The following COA1 variants were observed in gnomAD, a reference collection of about 807,000 sequenced individuals.
COA1 encodes cytochrome c oxidase assembly factor 1, also known as cytochrome c oxidase assembly factor 1 homolog.
A neutral mutation model predicts 16.0 loss-of-function variants in COA1; 13 were observed. That is an observed-to-expected ratio of 0.81 (90% CI 0.53 to 1.29). The LOEUF (loss-of-function observed/expected upper bound fraction) is 1.29, where lower values mean the gene tolerates loss of function less well. COA1 is among the 50% of genes most tolerant of loss of function. The pLI, the probability that COA1 is intolerant of heterozygous loss-of-function variation, is 0.00. For synonymous variants in COA1, 65 were observed against 65.7 expected, an observed-to-expected ratio of 0.99 and a Z score of 0.05; for missense variants, 179 against 177.0, an observed-to-expected ratio of 1.01 and a Z score of -0.06.
intron 3 of COA1, chr7:43,646,516 C>T (rs757493730): frequency 1.3e-5 from 6 of 455,340 alleles, no homozygotes; most frequent in African/African-American, 4.0e-5. Flanking sequence ...GAGCTGGAGC[C>T]GAGATTCAAC....
intron 4 of COA1, among the ~76,000 whole-genome samples, chr7:43,644,774 G>A (rs1420016662): frequency 1.7e-3 from 125 of 72,318 alleles, no homozygotes; most frequent in African/African-American, 5.2e-3. Flanking sequence ...AGGCAGGCAG[G>A]CAGGCAGGCA....
intron 3 of COA1, 164 bp downstream of exon 3, chr7:43,647,371 G>A (rs1373623232): frequency 1.3e-5 from 8 of 626,946 alleles, no homozygotes; most frequent in Non-Finnish European, 2.3e-5. Context: ...TGAGATTACA[G>A]GATACAGAGG....
intron 6 of COA1, chr7:43,623,546 AT>A (rs770499425): frequency 6.3e-7 from 1 of 1,599,286 alleles, no homozygotes; most frequent in Non-Finnish European, 8.5e-7. Flanking sequence ...ACAAAACTAA[AT>A]GTTTTCTTCT....
At chr7:43,701,004 A>C (rs1278845223) in intron 1 of COA1, among the ~76,000 whole-genome samples, 2 of 147,604 alleles carry the variant, frequency 1.4e-5, no homozygotes, top group Non-Finnish European at 3.1e-5. Flanking sequence ...CAAAACCAAA[A>C]AGTTTTTGTT....
At chr7:43,642,844 T>G (rs1052459537) in intron 4 of COA1, among the ~76,000 whole-genome samples, 2 of 152,202 alleles carry the variant, frequency 1.3e-5, no homozygotes, top group East Asian at 3.8e-4. Flanking sequence ...CATGAACAAC[T>G]GAAACATCTC....
At chr7:43,608,505 G>A in exon 7 of COA1, 1 of 1,360,068 alleles carries the variant, frequency 7.4e-7, no homozygotes, top group Non-Finnish European at 1.0e-6. Flanking sequence ...TGTATTATTA[G>A]GTAACAAGGA....
chr7:43,685,198 C>G (rs1181365808), intron 1 of COA1, among the ~76,000 whole-genome samples: 1 of 151,330 alleles, frequency 6.6e-6, no homozygotes. Flanking sequence ...AAATGTGTGT[C>G]TCTTATAACC....
chr7:43,648,996 G>T, intron 1 of COA1: 1 of 203,228 alleles, frequency 4.9e-6, no homozygotes, highest in Non-Finnish European at 1.0e-5. Context: ...ACCTGCAGAA[G>T]CAAGATGCTA....
chr7:43,636,316 A>G (rs921225596), downstream of COA1, among the ~76,000 whole-genome samples: 1 of 151,840 alleles, frequency 6.6e-6, no homozygotes, highest in African/African-American at 2.4e-5. Flanking sequence ...TTTCCTATCA[A>G]TCACCCTCCC....
chr7:43,664,487 A>G (rs2092746089), intron 1 of COA1, among the ~76,000 whole-genome samples: 9 of 152,210 alleles, frequency 5.9e-5, no homozygotes, highest in Admixed American at 4.6e-4. Flanking sequence ...TAGAATATAA[A>G]TAACGTTTTA....
intron 1 of COA1, among the ~76,000 whole-genome samples, chr7:43,699,749 A>G (rs1469980007): frequency 6.6e-6 from 1 of 152,154 alleles, no homozygotes; most frequent in East Asian, 1.9e-4. Context: ...TCAGAACTAG[A>G]GCTATCTTAG....
chr7:43,723,729 C>T (rs1372609938), intron 1 of COA1, among the ~76,000 whole-genome samples: 1 of 151,976 alleles, frequency 6.6e-6, no homozygotes, highest in Non-Finnish European at 1.5e-5. Flanking sequence ...GAGTTTGAGC[C>T]CAGCCTGGGC....
At chr7:43,624,405 T>A in intron 6 of COA1, 1 of 1,036,662 alleles carries the variant, frequency 9.6e-7, no homozygotes, top group Non-Finnish European at 1.3e-6. Context: ...ACAGTAAGAT[T>A]TTTGCCAACT....
At chr7:43,688,987 G>C (rs1253606663) in intron 1 of COA1, among the ~76,000 whole-genome samples, 1 of 152,056 alleles carries the variant, frequency 6.6e-6, no homozygotes, top group Admixed American at 6.5e-5. Context: ...ACACAAAAAA[G>C]AAGAAAAGGG....
At chr7:43,624,777 A>G (rs2084316560) in intron 6 of COA1, 1 of 1,612,390 alleles carries the variant, frequency 6.2e-7, no homozygotes. Flanking sequence ...GCAAAAGGCC[A>G]TTTCCAAACG....
intron 6 of COA1, among the ~76,000 whole-genome samples, chr7:43,610,688 C>T (rs1455093252): frequency 6.6e-6 from 1 of 152,082 alleles, no homozygotes; most frequent in South Asian, 2.1e-4. Context: ...TGCTATATGG[C>T]ACATTCCGTA....
intron 4 of COA1, among the ~76,000 whole-genome samples, chr7:43,641,261 A>G (rs1192048235): frequency 2.7e-5 from 4 of 150,354 alleles, no homozygotes; most frequent in Non-Finnish European, 5.9e-5. Flanking sequence ...ATTTGTTAAA[A>G]CTCATCAGAT....
At chr7:43,725,727 C>A (rs2095604035) in intron 1 of COA1, among the ~76,000 whole-genome samples, 1 of 151,972 alleles carries the variant, frequency 6.6e-6, no homozygotes, top group South Asian at 2.1e-4. Context: ...GGCATGGTGG[C>A]AGTCACCTGT....
At chr7:43,629,577 C>T (rs1459614831) in intron 6 of COA1, among the ~76,000 whole-genome samples, 1 of 152,148 alleles carries the variant, frequency 6.6e-6, no homozygotes, top group Non-Finnish European at 1.5e-5. Context: ...AATACCCCAA[C>T]TCTCATTTTT....
Sources: allele counts gnomAD v4.1 joint callset (sites outside exome capture counted in the v4.1 genomes callset), GRCh38; gene constraint gnomAD v4.1.1; transcripts MANE v1.5; gene names NCBI Gene and HGNC (gene_info 2026-07-23, HGNC 2026-07-21).